The following CNTLN variants were observed in gnomAD, a reference collection of about 807,000 sequenced individuals.
CNTLN encodes centlein, centrosomal protein.
A neutral mutation model predicts 180.0 loss-of-function variants in CNTLN; 212 were observed. That is an observed-to-expected ratio of 1.18 (90% CI 1.05 to 1.32). The LOEUF is 1.32. Ranked by LOEUF, CNTLN falls within the 40% of genes most tolerant of loss-of-function variation. The probability of loss-of-function intolerance (pLI) is 0.00; values close to 1 mark genes in which losing one functional copy is unlikely to be tolerated. For missense variants in CNTLN, 2,095 were observed against 1,610.9 expected, an observed-to-expected ratio of 1.30 and a Z score of -5.14; for synonymous variants, 722 against 563.1, an observed-to-expected ratio of 1.28 and a Z score of -3.99.
At chr9:17,271,620 C>G (rs939490114) in intron 5 of CNTLN, among the ~76,000 whole-genome samples, 2 of 152,134 alleles carry the variant, frequency 1.3e-5, no homozygotes, top group African/African-American at 4.8e-5. Flanking sequence ...TTCTTGTAGT[C>G]TGCTTTATCA....
At chr9:17,200,448 T>G (rs1336815208) in intron 2 of CNTLN, among the ~76,000 whole-genome samples, 4 of 152,324 alleles carry the variant, frequency 2.6e-5, no homozygotes, top group African/African-American at 7.2e-5. Flanking sequence ...TTTTACGATA[T>G]TGATTCTTCC....
chr9:17,517,925 T>C, the CNTLN span, among the ~76,000 whole-genome samples: 1 of 152,066 alleles, frequency 6.6e-6, no homozygotes, highest in East Asian at 1.9e-4. Flanking sequence ...GACTCTGTGC[T>C]TCTCAACTTT....
the CNTLN span, among the ~76,000 whole-genome samples, chr9:17,524,328 A>G: frequency 5.3e-5 from 8 of 152,314 alleles, no homozygotes; most frequent in South Asian, 1.0e-3. Context: ...CTAAAAGCCT[A>G]TATTTCAGTT....
At chr9:17,248,166 A>G (rs1825918250) in intron 5 of CNTLN, among the ~76,000 whole-genome samples, 1 of 152,014 alleles carries the variant, frequency 6.6e-6, no homozygotes, top group African/African-American at 2.4e-5. Flanking sequence ...CTATTAATTG[A>G]TTTTTTTGAT....
intron 2 of CNTLN, chr9:17,167,830 C>T (rs1820179046): frequency 6.6e-6 from 1 of 152,130 alleles, no homozygotes; most frequent in Admixed American, 6.6e-5. Context: ...AAAAACTAGA[C>T]TAAAAATCAG....
chr9:17,342,027 G>A (rs988883219), intron 11 of CNTLN, among the ~76,000 whole-genome samples: 3 of 152,004 alleles, frequency 2.0e-5, no homozygotes, highest in African/African-American at 7.2e-5. Flanking sequence ...GGGGGGGACC[G>A]TTAAAATTCT....
At chr9:17,350,495 G>C (rs1487407398) in intron 12 of CNTLN, among the ~76,000 whole-genome samples, 1 of 152,124 alleles carries the variant, frequency 6.6e-6, no homozygotes, top group Non-Finnish European at 1.5e-5. Context: ...AATAATAAGA[G>C]AATATTAGGG....
chr9:17,238,421 C>T (rs950858459), intron 5 of CNTLN, among the ~76,000 whole-genome samples: 2 of 152,182 alleles, frequency 1.3e-5, no homozygotes, highest in Non-Finnish European at 2.9e-5. Context: ...TCCCAGCTTT[C>T]TCCCATGAAG....
At chr9:17,198,586 G>A (rs756745744) in intron 2 of CNTLN, among the ~76,000 whole-genome samples, 36 of 147,442 alleles carry the variant, frequency 2.4e-4, no homozygotes, top group Non-Finnish European at 4.6e-4. Context: ...GAAATGCTAC[G>A]GAATTTTGTA....
At chr9:17,400,164 G>A (rs1452000722) in intron 15 of CNTLN, among the ~76,000 whole-genome samples, 3 of 152,028 alleles carry the variant, frequency 2.0e-5, no homozygotes, top group Admixed American at 6.6e-5. Context: ...TTGAGATGGA[G>A]TCTTACCCTG....
intron 18 of CNTLN, among the ~76,000 whole-genome samples, chr9:17,429,399 T>G (rs557166292): frequency 2.6e-3 from 395 of 152,168 alleles, no homozygotes; most frequent in African/African-American, 9.0e-3. Flanking sequence ...AATTGTTGCT[T>G]AAAGTACCCA....
intron 18 of CNTLN, chr9:17,448,344 T>C (rs893878267): frequency 1.3e-5 from 2 of 152,334 alleles, no homozygotes; most frequent in African/African-American, 4.8e-5. Context: ...TCTCCAGTTT[T>C]ACAAACGGTG....
At chr9:17,289,993 C>A (rs1587512283) in intron 6 of CNTLN, among the ~76,000 whole-genome samples, 1 of 152,178 alleles carries the variant, frequency 6.6e-6, no homozygotes, top group East Asian at 1.9e-4. Flanking sequence ...TCGTCTGAAG[C>A]CTTCTTCTCT....
intron 12 of CNTLN, among the ~76,000 whole-genome samples, chr9:17,353,286 CTTT>C (rs36048699): frequency 3.9e-5 from 5 of 127,564 alleles, no homozygotes. Flanking sequence ...AACTGCCAAA[CTTT>C]TTTTTTTTTT....
intron 5 of CNTLN, among the ~76,000 whole-genome samples, chr9:17,266,210 T>C (rs1220392909): frequency 6.6e-6 from 1 of 152,174 alleles, no homozygotes; most frequent in Non-Finnish European, 1.5e-5. Context: ...CTGCTTTGAA[T>C]GTGTTCCAGA....
the CNTLN span, among the ~76,000 whole-genome samples, chr9:17,512,238 C>A: frequency 6.6e-6 from 1 of 152,160 alleles, no homozygotes; most frequent in African/African-American, 2.4e-5. Flanking sequence ...AGATTCAAAG[C>A]CAAAGTAGAA....
chr9:17,399,554 T>A (rs1826805775), intron 15 of CNTLN, among the ~76,000 whole-genome samples: 1 of 152,206 alleles, frequency 6.6e-6, no homozygotes, highest in South Asian at 2.1e-4. Context: ...GGCATTTGGA[T>A]CCTTTTAAAG....
intron 18 of CNTLN, among the ~76,000 whole-genome samples, chr9:17,434,150 T>A (rs1829614423): frequency 6.6e-6 from 1 of 152,152 alleles, no homozygotes; most frequent in Non-Finnish European, 1.5e-5. Flanking sequence ...ATTTTTCTTG[T>A]TCTTGCTAGA....
intron 2 of CNTLN, among the ~76,000 whole-genome samples, chr9:17,154,675 C>A (rs915231152): frequency 2.0e-5 from 3 of 152,196 alleles, no homozygotes; most frequent in African/African-American, 4.8e-5. Flanking sequence ...TGTAAACACA[C>A]CAATCAGTGC....
Sources: gnomAD v4.1 joint callset for allele counts (sites outside exome capture counted in the v4.1 genomes callset) on GRCh38, gnomAD v4.1.1 for gene constraint, MANE v1.5 for transcripts, NCBI Gene and HGNC (gene_info 2026-07-23, HGNC 2026-07-21) for gene names.